ANK3: variants seen among roughly 807,000 people sequenced by gnomAD.
The protein encoded by ANK3 is ankyrin 3.
Under a neutral mutation model 370.9 loss-of-function variants are expected in ANK3, and 57 were observed. The observed-to-expected ratio is 0.15, with a 90% confidence interval of 0.12 to 0.19. The LOEUF is 0.19. Ranked by LOEUF, ANK3 falls within the 10% of genes least tolerant of loss-of-function variation. The pLI, the probability that ANK3 is intolerant of heterozygous loss-of-function variation, is 1.00. For synonymous variants in ANK3, 1,929 were observed against 1,946.3 expected, an observed-to-expected ratio of 0.99 and a Z score of 0.23; for missense variants, 4,439 against 5,302.1, an observed-to-expected ratio of 0.84 and a Z score of 5.06.
At chr10:60,692,987 G>A (rs1161473558) in intron 1 of ANK3, among the ~76,000 whole-genome samples, 2 of 152,194 alleles carry the variant, frequency 1.3e-5, no homozygotes, top group Non-Finnish European at 2.9e-5. Context: ...TCCATCTGAG[G>A]TACCGGGTTC....
At chr10:60,151,335 G>C (rs549353711) in intron 23 of ANK3, among the ~76,000 whole-genome samples, 1 of 152,296 alleles carries the variant, frequency 6.6e-6, no homozygotes, top group South Asian at 2.1e-4. Flanking sequence ...TGAATGGCTT[G>C]TGCCATCCCC....
rs370901573 is a variant in ANK3, at chr10:60,643,315, A to G, written c.58-28091T>C. On this transcript the variant is annotated intron_variant, in intron 1 of 43. Coordinates refer to the ANK3 transcript ENST00000373827. Reference sequence around the variant, plus strand: ...CAGAATAAAGCAGGGAGAAAAATGTAAAAACGTGAGACTGGCCTAGCCTCC... The same window carrying G: ...CAGAATAAAGCAGGGAGAAAAATGTGAAAACGTGAGACTGGCCTAGCCTCC... Among the ~76,000 whole-genome samples the G allele has an allele frequency of 2.8e-3, 433 of 152,222 alleles. 3 individuals carry two copies. Among genetic ancestry groups the G allele is most frequent in the African/African-American group, 9.8e-3 (409 of 41,534 alleles).
At chr10:60,141,559 C>CTTTT (rs2094555559) in intron 23 of ANK3, among the ~76,000 whole-genome samples, 4 of 61,158 alleles carry the variant, frequency 6.5e-5, no homozygotes, top group South Asian at 8.1e-4. Flanking sequence ...ATTTCAATTG[C>CTTTT]TGTTTTTTTT....
At position 60,047,256 on chromosome 10, in the gene ANK3, AC is replaced by A. The variant is rs1268343229; in HGVS notation, c.13066-4498del. On this transcript the variant is annotated intron_variant, in intron 42 of 43. Coordinates refer to ENST00000280772, the MANE Select transcript of ANK3 (RefSeq NM_020987.5). ...GGAAAATTATAGCACATGTGGTGTT[AC>A]ATTTTCACCTCTGGTGACGGTATTA... 2.6e-5 allele frequency among the ~76,000 whole-genome samples: 4 copies of A among 152,304 alleles called. No individual in the cohort carries two copies. In the East Asian group the frequency reaches 5.8e-4, roughly 22 times the overall value.
rs867264823 is a variant in ANK3, at chr10:60,705,830, T to C, written c.57+27433A>G. Among the ~76,000 whole-genome samples the C allele has an allele frequency of 6.1e-3, 894 of 145,656 alleles. 7 individuals are homozygous for C. The highest frequency in any genetic ancestry group is 0.018 in the African/African-American group (716 of 39,582). On this transcript the variant is annotated intron_variant, in intron 1 of 43. Coordinates refer to the ANK3 transcript ENST00000373827. Reference sequence around the variant, plus strand: ...GAGGTTTTTTTTTTTCTTTCTTTTTTTTTTTTTTTTTTTGAGACAAAGTTT... The same window carrying C: ...GAGGTTTTTTTTTTTCTTTCTTTTTCTTTTTTTTTTTTTGAGACAAAGTTT...
chr10:60,667,285 A>C (rs1417764057), intron 1 of ANK3, among the ~76,000 whole-genome samples: 1 of 150,368 alleles, frequency 6.7e-6, no homozygotes, highest in East Asian at 1.9e-4. Flanking sequence ...GGTTTTAGAG[A>C]TATAAAAGAA....
intron 2 of ANK3, among the ~76,000 whole-genome samples, chr10:60,465,835 T>C (rs1180179205): frequency 6.6e-6 from 1 of 151,066 alleles, no homozygotes; most frequent in Non-Finnish European, 1.5e-5. Flanking sequence ...GATGAAGAGT[T>C]AGGGTATTTC....
chr10:60,088,437 T>G, intron 28 of ANK3, 79 bp from the exon 29 acceptor site: 1 of 1,281,060 alleles, frequency 7.8e-7, no homozygotes, highest in Non-Finnish European at 1.1e-6. Flanking sequence ...ATATATCTTT[T>G]TTTTTGAGAT....
At chr10:60,093,535 C>T (rs942697087) in intron 28 of ANK3, among the ~76,000 whole-genome samples, 5 of 152,188 alleles carry the variant, frequency 3.3e-5, no homozygotes, top group African/African-American at 4.8e-5. Flanking sequence ...GTACTGTACA[C>T]TTCTTAGCTA....
At position 60,109,048 on chromosome 10, in the gene ANK3, C is replaced by A. The variant is rs1274951212; in HGVS notation, c.2955G>T (p.Leu985=). 3.7e-6 allele frequency: 6 copies of A among 1,612,686 alleles called. No homozygotes were observed. The highest frequency in any genetic ancestry group is 5.1e-6 in the Non-Finnish European group (6 of 1,179,816). Residue 985 remains leucine, a synonymous_variant, in exon 27 of 44, where the codon CTG becomes CTT. Coordinates refer to ENST00000280772, the MANE Select transcript of ANK3 (RefSeq NM_020987.5). ...CTCTCGCGTCCACCATAAAGCTAAC[C>A]AGAAACCTGAGGGGAGAAGATCAGA... ...LVSSPIHSGF[L]VSFMVDARGG...
chr10:60,131,803 T>C (rs2094087095), intron 25 of ANK3, among the ~76,000 whole-genome samples: 1 of 152,122 alleles, frequency 6.6e-6, no homozygotes, highest in African/African-American at 2.4e-5. Flanking sequence ...GAGGTGACAG[T>C]GATGATGGTA....
chr10:60,270,559 A>C (rs2132672289), intron 4 of ANK3, among the ~76,000 whole-genome samples: 3 of 152,318 alleles, frequency 2.0e-5, no homozygotes, highest in African/African-American at 7.2e-5. Flanking sequence ...ACTTATTGAG[A>C]GTCTACCATG....
chr10:60,113,658 T>G (rs4948389), intron 26 of ANK3, among the ~76,000 whole-genome samples: 1 of 152,016 alleles, frequency 6.6e-6, no homozygotes, highest in African/African-American at 2.4e-5. Context: ...TTCAGTAAGC[T>G]AAGACTGCAC....
At chr10:60,443,188 C>G (rs983688410) in intron 2 of ANK3, among the ~76,000 whole-genome samples, 13 of 152,082 alleles carry the variant, frequency 8.5e-5, no homozygotes, top group African/African-American at 3.1e-4. Flanking sequence ...GGCATTATGG[C>G]TAAGCTAGTA....
intron 1 of ANK3, among the ~76,000 whole-genome samples, chr10:60,621,888 C>G (rs1229455189): frequency 6.6e-6 from 1 of 151,936 alleles, no homozygotes; most frequent in Non-Finnish European, 1.5e-5. Flanking sequence ...ATGTTTGAAC[C>G]CTGGCCTGGA....
chr10:60,125,597 C>A (rs1054574687), intron 25 of ANK3, among the ~76,000 whole-genome samples: 1 of 152,148 alleles, frequency 6.6e-6, no homozygotes, highest in South Asian at 2.1e-4. Context: ...TACCTTCTGC[C>A]ACCATGCACG....
chr10:60,384,268 T>C (rs113987471), intron 1 of ANK3, among the ~76,000 whole-genome samples: 1,812 of 152,308 alleles, frequency 0.012, 39 homozygotes, highest in African/African-American at 0.041. Flanking sequence ...CTTGTGTTGG[T>C]AATTTTCATT....
intron 1 of ANK3, among the ~76,000 whole-genome samples, chr10:60,301,081 C>T (rs2043597008): frequency 6.8e-6 from 1 of 148,104 alleles, no homozygotes; most frequent in South Asian, 2.1e-4. Context: ...ATGTGTATAA[C>T]CGGGTGGGAG....
chr10:60,168,216 G>T (rs576753185), intron 21 of ANK3, among the ~76,000 whole-genome samples: 2 of 152,122 alleles, frequency 1.3e-5, no homozygotes, highest in Admixed American at 6.6e-5. Flanking sequence ...AGTAGAGACA[G>T]GTTTTCACCA....
Sources: allele counts gnomAD v4.1 joint callset (sites outside exome capture counted in the v4.1 genomes callset), GRCh38; gene constraint gnomAD v4.1.1; transcripts MANE v1.5; gene names NCBI Gene and HGNC (gene_info 2026-07-23, HGNC 2026-07-21).